EPM2A: variants seen among roughly 807,000 people sequenced by gnomAD.
The protein encoded by EPM2A is laforin.
A neutral mutation model predicts 26.5 loss-of-function variants in EPM2A; 21 were observed. The ratio of observed to expected loss-of-function variants is 0.79; its 90% CI spans 0.56 to 1.14. The LOEUF (loss-of-function observed/expected upper bound fraction) is 1.14, where lower values mean the gene tolerates loss of function less well. Ranked by LOEUF, EPM2A falls within the 50% of genes most tolerant of loss-of-function variation. The probability of loss-of-function intolerance (pLI) is 0.00; values close to 1 mark genes in which losing one functional copy is unlikely to be tolerated. For missense variants in EPM2A, 458 were observed against 440.8 expected (o/e 1.04, Z -0.35); for synonymous variants, 217 against 177.6 (o/e 1.22, Z -1.76).
chr6:145,627,799 G>A, intron 3 of EPM2A, 106 bp from the exon 4 acceptor site: 1 of 1,490,686 alleles, frequency 6.7e-7, no homozygotes, highest in Admixed American at 2.0e-5. Flanking sequence ...CACAGGGCCA[G>A]GCAGGGATAC....
chr6:145,581,312 C>T (rs559454062), intron 2 of EPM2A, among the ~76,000 whole-genome samples: 1 of 151,964 alleles, frequency 6.6e-6, no homozygotes, highest in East Asian at 1.9e-4. Flanking sequence ...TGAAAAAGTG[C>T]CTTTTATGTC....
chr6:145,680,498 G>T (rs1165497643), intron 2 of EPM2A, among the ~76,000 whole-genome samples: 1 of 151,636 alleles, frequency 6.6e-6, no homozygotes, highest in Non-Finnish European at 1.5e-5. Context: ...CCATTAACTC[G>T]TCATTTAGCA....
intron 2 of EPM2A, among the ~76,000 whole-genome samples, chr6:145,507,149 G>T (rs1197948993): frequency 6.6e-6 from 1 of 152,104 alleles, no homozygotes; most frequent in Non-Finnish European, 1.5e-5. Context: ...TTGCTACAAG[G>T]TATGCATTTT....
rs1167899177 is a variant in EPM2A at position 145,504,309 on chromosome 6, C to T, written c.341-1734G>A. Among the ~76,000 whole-genome samples the T allele has an allele frequency of 1.4e-4, 15 of 105,920 alleles. No individual in the cohort carries two copies. In the East Asian group the frequency reaches 3.5e-3, roughly 25 times the overall value. The allele number at this position is 105,920 out of a possible 152,430, so 69.5% of individuals were successfully genotyped here. ...AACTACCATCAGAGTGAACAGGCAACCTACAACATGGGAGAAAATTTTCAC... is the reference window on the plus strand; with the variant it reads ...AACTACCATCAGAGTGAACAGGCAATCTACAACATGGGAGAAAATTTTCAC... On this transcript the variant is annotated intron_variant, in intron 2 of 3. Coordinates refer to the EPM2A transcript ENST00000450221.
intron 2 of EPM2A, among the ~76,000 whole-genome samples, chr6:145,657,991 T>TA (rs1359411769): frequency 3.3e-5 from 5 of 152,228 alleles, no homozygotes; most frequent in Non-Finnish European, 7.3e-5. Context: ...GTGTCTGGAA[T>TA]AAAACTTCAT....
chr6:145,496,839 G>A (rs916693706), downstream of EPM2A, among the ~76,000 whole-genome samples: 4 of 149,896 alleles, frequency 2.7e-5, no homozygotes, highest in East Asian at 2.0e-4. Context: ...CTGGGTTCAC[G>A]CCATTCTCCT....
chr6:145,491,935 G>A lies in EPM2A; in HGVS notation c.555+10587C>T, dbSNP rs74799338. 889 of 469,284 alleles carry A rather than the reference G, an allele frequency of 1.9e-3. 4 individuals are homozygous for A. Among genetic ancestry groups the A allele is most frequent in the African/African-American group, 0.017 (850 of 49,568 alleles). The allele number at this position is 469,284 out of a possible 1,614,324, so 29.1% of individuals were successfully genotyped here. On this transcript the variant is annotated intron_variant, in intron 4 of 4. Transcript: ENST00000638717. Reference sequence around the variant, plus strand: ...TTTATAGAAGAACTTACTGCAAGCAGCCAAAAGAGCCTTGTGAGCCTTAAA... The same window carrying A: ...TTTATAGAAGAACTTACTGCAAGCAACCAAAAGAGCCTTGTGAGCCTTAAA...
chr6:145,647,597 C>T (rs1036039338), intron 2 of EPM2A, among the ~76,000 whole-genome samples: 1 of 152,068 alleles, frequency 6.6e-6, no homozygotes, highest in Admixed American at 6.5e-5. Context: ...AACAAGGATG[C>T]TATCTTATTC....
At position 145,596,935 on chromosome 6, in the gene EPM2A, C is replaced by T. The variant is rs1421805360; in HGVS notation, c.340+38310G>A. The stretch of plus-strand genomic sequence containing the variant: ...CGGAGTCTCGCTCTGTCGCCCAGGC[C>T]GGACTGCGGACTGCAGTGGCGCAAT... On this transcript the variant is annotated intron_variant, in intron 2 of 3. Coordinates refer to the EPM2A transcript ENST00000450221. Among the ~76,000 whole-genome samples the T allele has an allele frequency of 6.6e-5, 7 of 106,830 alleles. No homozygotes were observed. In the East Asian group the frequency reaches 1.7e-3, roughly 26 times the overall value. The allele number at this position is 106,830 out of a possible 152,430, so 70.1% of individuals were successfully genotyped here. A position where few individuals can be genotyped will look rare whatever the true frequency, so the allele number is the denominator to read the frequency against.
chr6:145,606,248 A>G (rs7773939), intron 2 of EPM2A, among the ~76,000 whole-genome samples: 71,121 of 151,858 alleles, frequency 0.47, 17,441 homozygotes, highest in African/African-American at 0.6. Context: ...CAGCACACAC[A>G]TAGAATTTAA....
intron 2 of EPM2A, among the ~76,000 whole-genome samples, chr6:145,573,002 T>C (rs1012832999): frequency 6.6e-6 from 1 of 152,212 alleles, no homozygotes; most frequent in Non-Finnish European, 1.5e-5. Context: ...AAGGAATATC[T>C]CAACAGGCCC....
At chr6:145,386,105 A>T (rs1778258308) in intron 4 of EPM2A, among the ~76,000 whole-genome samples, 3 of 151,662 alleles carry the variant, frequency 2.0e-5, no homozygotes, top group Admixed American at 2.0e-4. Flanking sequence ...TTAAAATAAT[A>T]AAAAAAAGAT....
intron 2 of EPM2A, among the ~76,000 whole-genome samples, chr6:145,526,935 T>C (rs1300680066): frequency 3.3e-5 from 5 of 152,016 alleles, no homozygotes; most frequent in Non-Finnish European, 7.4e-5. Context: ...TGTCAACTTT[T>C]TTTCTTAATA....
chr6:145,499,821 T>C (rs1215586912), downstream of EPM2A, among the ~76,000 whole-genome samples: 1 of 152,216 alleles, frequency 6.6e-6, no homozygotes, highest in Non-Finnish European at 1.5e-5. Flanking sequence ...GATACAAGTG[T>C]ATATTTTGGA....
chr6:145,697,373 G>A (rs897233080), intron 1 of EPM2A, among the ~76,000 whole-genome samples: 2 of 152,112 alleles, frequency 1.3e-5, no homozygotes, highest in Admixed American at 6.5e-5. Context: ...GGCAAATGGA[G>A]GCAGGGCAAG....
intron 2 of EPM2A, among the ~76,000 whole-genome samples, chr6:145,652,616 C>T (rs137940609): frequency 1.3e-5 from 2 of 151,990 alleles, no homozygotes; most frequent in African/African-American, 4.8e-5. Context: ...CTAGAACACT[C>T]CCCTCATATT....
intron 4 of EPM2A, among the ~76,000 whole-genome samples, chr6:145,463,007 T>C (rs1357197786): frequency 6.6e-6 from 1 of 152,150 alleles, no homozygotes; most frequent in Non-Finnish European, 1.5e-5. Context: ...TGGTTTAATT[T>C]TAGTTATATA....
chr6:145,516,887 T>C lies in EPM2A; in HGVS notation c.341-14312A>G, dbSNP rs539735756. The stretch of plus-strand genomic sequence containing the variant: ...TTGAAATCAGGATCTTGAAGAAATA[T>C]CTGCACTTTCATGTTCATTACAACA... On this transcript the variant is annotated intron_variant, in intron 2 of 3. Transcript: ENST00000450221. Among the ~76,000 whole-genome samples the C allele has an allele frequency of 5.9e-5, 9 of 152,318 alleles. No homozygotes were observed. The East Asian group carries it at 1.2e-3, about 20-fold the overall frequency.
chr6:145,393,011 CAG>C (rs1189052079), intron 4 of EPM2A, among the ~76,000 whole-genome samples: 3 of 152,012 alleles, frequency 2.0e-5, no homozygotes, highest in East Asian at 3.9e-4. Flanking sequence ...AACTTTCAGA[CAG>C]AATTCAGGCA....
Sources: allele counts gnomAD v4.1 joint callset (sites outside exome capture counted in the v4.1 genomes callset), GRCh38; gene constraint gnomAD v4.1.1; transcripts MANE v1.5; gene names NCBI Gene and HGNC (gene_info 2026-07-23, HGNC 2026-07-21).